The following NRG1 variants were observed in gnomAD, a reference collection of about 807,000 sequenced individuals.
NRG1 encodes the protein neuregulin 1.
NRG1 carries 18 observed loss-of-function variants against 63.8 expected under a neutral mutation model. The observed-to-expected ratio is 0.28, with a 90% CI of 0.19 to 0.42. NRG1 has a LOEUF of 0.42. NRG1 is among the 10% of genes least tolerant of loss of function. NRG1 has a pLI of 1.00. For synonymous variants in NRG1, 302 were observed against 301.3 expected (o/e 1.00, Z -0.02); for missense variants, 762 against 814.7 (o/e 0.94, Z 0.79).
chr8:31,729,830 A>G (rs977040561), intron 1 of NRG1, among the ~76,000 whole-genome samples: 9 of 152,182 alleles, frequency 5.9e-5, no homozygotes, highest in African/African-American at 1.9e-4. Flanking sequence ...CATCTGCTGA[A>G]TGACGGTTAC....
At chr8:32,688,030 C>T (rs891235631) in intron 5 of NRG1, among the ~76,000 whole-genome samples, 3 of 152,102 alleles carry the variant, frequency 2.0e-5, no homozygotes, top group African/African-American at 7.2e-5. Context: ...AATATCCAAA[C>T]TATATCAGGT....
At chr8:32,037,969 C>T (rs1819341751) in intron 1 of NRG1, among the ~76,000 whole-genome samples, 1 of 152,322 alleles carries the variant, frequency 6.6e-6, no homozygotes, top group Admixed American at 6.5e-5. Flanking sequence ...AGCTTCAGCC[C>T]CCTTCCCACA....
intron 1 of NRG1, among the ~76,000 whole-genome samples, chr8:32,079,558 T>C (rs1827131905): frequency 3.3e-5 from 5 of 152,214 alleles, no homozygotes; most frequent in Admixed American, 3.3e-4. Flanking sequence ...CTTGTACAAA[T>C]GTAAATGTTC....
intron 1 of NRG1, among the ~76,000 whole-genome samples, chr8:32,589,913 T>C (rs1315721333): frequency 1.3e-5 from 2 of 152,176 alleles, no homozygotes; most frequent in African/African-American, 4.8e-5. Context: ...TTGCATTGAG[T>C]TTTTGTGGTG....
intron 1 of NRG1, among the ~76,000 whole-genome samples, chr8:32,537,557 T>G (rs1832137564): frequency 1.3e-5 from 2 of 152,194 alleles, no homozygotes; most frequent in African/African-American, 2.4e-5. Context: ...TGGCCTGGAT[T>G]CAGAGATGTC....
chr8:32,380,460 TC>T (rs1810207530), intron 1 of NRG1, among the ~76,000 whole-genome samples: 1 of 152,090 alleles, frequency 6.6e-6, no homozygotes, highest in South Asian at 2.1e-4. Flanking sequence ...GCATAGTCTC[TC>T]CCCTGGACTT....
At chr8:32,057,262 A>G (rs1053630687) in intron 1 of NRG1, among the ~76,000 whole-genome samples, 2 of 152,128 alleles carry the variant, frequency 1.3e-5, no homozygotes, top group Non-Finnish European at 2.9e-5. Flanking sequence ...TGGAATTCTG[A>G]AGCTACAACT....
Position 31,772,963 on chromosome 8 carries a change from C to T in NRG1, c.37+133532C>T, listed in dbSNP as rs561260783. On this transcript the variant is annotated intron_variant, in intron 1 of 10. Coordinates refer to the NRG1 transcript ENST00000519301. ...TAGTACCAATAGCACTTGAGTGCCTCGAAGAGAGTTTTGCCCAAAAAGCAG... is the reference window on the plus strand; with the variant it reads ...TAGTACCAATAGCACTTGAGTGCCTTGAAGAGAGTTTTGCCCAAAAAGCAG... Among the ~76,000 whole-genome samples, 28 of 152,208 alleles carry T rather than the reference C, an allele frequency of 1.8e-4. No individual in the cohort carries two copies. The South Asian group carries it at 5.0e-3, about 27-fold the overall frequency.
intron 1 of NRG1, among the ~76,000 whole-genome samples, chr8:32,102,007 C>T (rs1830641390): frequency 6.6e-6 from 1 of 152,032 alleles, no homozygotes; most frequent in Non-Finnish European, 1.5e-5. Flanking sequence ...TAGACTTGAG[C>T]AGTTTAGCAG....
chr8:31,913,570 TAC>T (rs1304564338), intron 1 of NRG1, among the ~76,000 whole-genome samples: 2 of 152,184 alleles, frequency 1.3e-5, no homozygotes, highest in Non-Finnish European at 2.9e-5. Context: ...AAACAGAAGT[TAC>T]AGTCTGTGTT....
chr8:32,140,932 A>G (rs1184505191), intron 1 of NRG1, among the ~76,000 whole-genome samples: 1 of 151,420 alleles, frequency 6.6e-6, no homozygotes, highest in African/African-American at 2.4e-5. Flanking sequence ...CCTTAAGTTT[A>G]TGCACCTTCT....
intron 5 of NRG1, among the ~76,000 whole-genome samples, chr8:32,649,063 G>T (rs1854351328): frequency 1.3e-5 from 2 of 152,100 alleles, no homozygotes; most frequent in South Asian, 4.2e-4. Flanking sequence ...TCTGCATGAA[G>T]GATTTTCCCA....
intron 1 of NRG1, among the ~76,000 whole-genome samples, chr8:32,164,837 C>T (rs1839232644): frequency 6.6e-6 from 1 of 152,128 alleles, no homozygotes; most frequent in Non-Finnish European, 1.5e-5. Flanking sequence ...AATGGTTATG[C>T]CTTTGGGCCA....
intron 1 of NRG1, among the ~76,000 whole-genome samples, chr8:32,150,319 T>TGCTAAATTG (rs1837364105): frequency 6.6e-6 from 1 of 152,184 alleles, no homozygotes; most frequent in East Asian, 1.9e-4. Flanking sequence ...AGAAGCCTGG[T>TGCTAAATTG]GCTAAATTGT....
intron 1 of NRG1, among the ~76,000 whole-genome samples, chr8:32,267,095 A>AAAGG (rs144798860): frequency 4.1e-5 from 6 of 147,138 alleles, no homozygotes; most frequent in Non-Finnish European, 8.9e-5. Context: ...AAAGAGAGAG[A>AAAGG]AAGGAAGGAA....
intron 1 of NRG1, among the ~76,000 whole-genome samples, chr8:32,224,027 A>T (rs929004569): frequency 2.6e-5 from 4 of 152,162 alleles, no homozygotes; most frequent in Admixed American, 2.0e-4. Context: ...CCTTCCGTTC[A>T]TGTAAGCTCT....
intron 1 of NRG1, among the ~76,000 whole-genome samples, chr8:31,891,906 A>G (rs1174177873): frequency 1.3e-5 from 2 of 152,222 alleles, no homozygotes; most frequent in Non-Finnish European, 2.9e-5. Context: ...ATCTCAAAAA[A>G]TTACATAATG....
intron 1 of NRG1, among the ~76,000 whole-genome samples, chr8:31,974,377 C>T (rs774362507): frequency 5.1e-4 from 78 of 152,106 alleles, no homozygotes; most frequent in Non-Finnish European, 1.6e-4. Flanking sequence ...CCTATGTTGC[C>T]CAAGCTGATC....
intron 1 of NRG1, among the ~76,000 whole-genome samples, chr8:32,015,942 T>A (rs1040731140): frequency 6.6e-6 from 1 of 152,154 alleles, no homozygotes; most frequent in African/African-American, 2.4e-5. Context: ...TATAAGAATT[T>A]AATTAAAAAC....
Sources: gnomAD v4.1 joint callset for allele counts (sites outside exome capture counted in the v4.1 genomes callset) on GRCh38, gnomAD v4.1.1 for gene constraint, MANE v1.5 for transcripts, NCBI Gene and HGNC (gene_info 2026-07-23, HGNC 2026-07-21) for gene names.